PRKCH: variants seen among roughly 807,000 people sequenced by gnomAD.
The protein encoded by PRKCH is protein kinase C eta, also known as protein kinase C eta type.
PRKCH carries 28 observed loss-of-function variants against 82.5 expected under a neutral mutation model. The ratio of observed to expected loss-of-function variants is 0.34; its 90% CI spans 0.25 to 0.47. The LOEUF is 0.47. Among genes scored for constraint, PRKCH ranks in the 20% least tolerant of loss-of-function variants. PRKCH has a pLI of 1.00. For missense variants in PRKCH, 705 were observed against 881.8 expected, an observed-to-expected ratio of 0.80 and a Z score of 2.54; for synonymous variants, 322 against 327.4, an observed-to-expected ratio of 0.98 and a Z score of 0.18.
At chr14:61,508,811 T>C (rs1887259750) in intron 10 of PRKCH, among the ~76,000 whole-genome samples, 1 of 152,152 alleles carries the variant, frequency 6.6e-6, no homozygotes, top group South Asian at 2.1e-4. Flanking sequence ...AAATGGTCTT[T>C]TTTTGCTAAC....
At chr14:61,305,281 T>C in intron 1 of PRKCH, 1 of 152,232 alleles carries the variant, frequency 6.6e-6, no homozygotes, top group Non-Finnish European at 1.5e-5. Context: ...ACTTCAAGGC[T>C]TAAGTGATCC....
rs4902042 is a variant in PRKCH at position 61,266,688 on chromosome 14, A to G, written c.-19+79020A>G. ...GAAGGACCAGGAGAGGAATTGTCTC[A>G]CGAGAATATGTAACTAGAAATGGCT... On this transcript the variant is annotated intron_variant, in intron 1 of 3. Coordinates refer to the PRKCH transcript ENST00000555185. 7.3e-3 allele frequency among the ~76,000 whole-genome samples: 1,116 copies of G among 152,336 alleles called. 28 individuals carry two copies. The East Asian group carries it at 0.083, about 11-fold the overall frequency.
At chr14:61,322,798 T>C (rs113104429) in intron 1 of PRKCH, 4 of 270,602 alleles carry the variant, frequency 1.5e-5, no homozygotes, top group African/African-American at 8.6e-5. Flanking sequence ...GAGTGATAGG[T>C]AGGAAAGGCA....
intron 1 of PRKCH, chr14:61,279,275 TTTTTTAAAA>T (rs1482622578): frequency 1.3e-5 from 2 of 152,238 alleles, no homozygotes; most frequent in African/African-American, 4.8e-5. Context: ...CAGATAGTAA[TTTTTTAAAA>T]ATTCATTCCA....
chr14:61,198,428 G>C (rs1331842182), intron 1 of PRKCH, among the ~76,000 whole-genome samples: 1 of 152,112 alleles, frequency 6.6e-6, no homozygotes, highest in Non-Finnish European at 1.5e-5. Flanking sequence ...ACTCCTACTT[G>C]TCCTTCAAAA....
At chr14:61,381,868 A>G (rs916383667) in intron 1 of PRKCH, among the ~76,000 whole-genome samples, 2 of 152,190 alleles carry the variant, frequency 1.3e-5, no homozygotes, top group African/African-American at 4.8e-5. Context: ...AAAGCAACAG[A>G]TGGACCTCAG....
rs1208745204 is a variant in PRKCH at position 61,421,119 on chromosome 14, C to A, written c.428-21992C>A. 6.6e-5 allele frequency among the ~76,000 whole-genome samples: 10 copies of A among 151,140 alleles called. No homozygotes were observed. The Admixed American group carries it at 6.6e-4, about 10-fold the overall frequency. On this transcript the variant is annotated intron_variant, in intron 2 of 13. Coordinates refer to ENST00000332981, the MANE Select transcript of PRKCH (RefSeq NM_006255.5). ...TATCTAGTAGTGCCTTTATCAGTGA[C>A]CCCAGGTGTATAATTGGTTTGTTGT...
chr14:61,436,269 C>T (rs1325701147), intron 2 of PRKCH, among the ~76,000 whole-genome samples: 1 of 152,098 alleles, frequency 6.6e-6, no homozygotes, highest in Non-Finnish European at 1.5e-5. Flanking sequence ...TTATTTTCCT[C>T]TCCTTCTTTT....
intron 2 of PRKCH, among the ~76,000 whole-genome samples, chr14:61,391,739 C>T (rs2046685605): frequency 6.6e-6 from 1 of 152,186 alleles, no homozygotes; most frequent in Admixed American, 6.5e-5. Flanking sequence ...CTACCGTACT[C>T]CCTACTCCCC....
intron 2 of PRKCH, among the ~76,000 whole-genome samples, chr14:61,428,110 C>CATATATATATATATATAT (rs1435502380): frequency 1.3e-4 from 10 of 75,502 alleles, no homozygotes; most frequent in African/African-American, 5.3e-4. Context: ...TATATATACA[C>CATATATATATATATATAT]ACATATATAT....
intron 12 of PRKCH, chr14:61,545,360 C>G (rs2043241755): frequency 6.6e-6 from 1 of 152,166 alleles, no homozygotes; most frequent in African/African-American, 2.4e-5. Flanking sequence ...TGATCTAAGT[C>G]TCTTTTCATT....
At chr14:61,535,596 G>A (rs888548166) in intron 12 of PRKCH, among the ~76,000 whole-genome samples, 1 of 152,242 alleles carries the variant, frequency 6.6e-6, no homozygotes, top group African/African-American at 2.4e-5. Context: ...TGAGGAGGCT[G>A]AGGGAACAGT....
At position 61,462,476 on chromosome 14, in the gene PRKCH, C is replaced by T. The variant is rs892315836; in HGVS notation, c.1278+4797C>T. ...ATTTTAGTTTTGCTGTCGTTGTTGC[C>T]TTCTTTGAGGTTTGCAAGGTATCGG... On this transcript the variant is annotated intron_variant, in intron 9 of 13. Coordinates refer to ENST00000332981, the MANE Select transcript of PRKCH (RefSeq NM_006255.5). Among the ~76,000 whole-genome samples the T allele has an allele frequency of 6.6e-5, 10 of 152,190 alleles. 1 individual carries two copies. The highest frequency in any genetic ancestry group is 1.5e-4 in the Non-Finnish European group (10 of 68,032).
Position 61,375,655 on chromosome 14 carries a change from C to T in PRKCH, c.364-15570C>T, listed in dbSNP as rs957676069. ...CACACACTTTCAAACAACCAGATCT[C>T]GTGAGAACTCACTGACTATCATGAG... On this transcript the variant is annotated intron_variant, in intron 1 of 13. Coordinates refer to ENST00000332981, the MANE Select transcript of PRKCH (RefSeq NM_006255.5). 2.9e-4 allele frequency among the ~76,000 whole-genome samples: 44 copies of T among 151,870 alleles called. 1 individual carries two copies. Among genetic ancestry groups the T allele is most frequent in the African/African-American group, 1.0e-3 (42 of 41,204 alleles).
At chr14:61,409,186 A>G (rs1374359014) in intron 2 of PRKCH, among the ~76,000 whole-genome samples, 1 of 152,124 alleles carries the variant, frequency 6.6e-6, no homozygotes, top group African/African-American at 2.4e-5. Context: ...GTGGGCGTAG[A>G]CAGCCCTGTT....
At chr14:61,321,548 C>T (rs2045622407), upstream of PRKCH, among the ~76,000 whole-genome samples, 1 of 152,128 alleles carries the variant, frequency 6.6e-6, no homozygotes, top group Admixed American at 6.5e-5. This position sits in a 1 kb window ranked among gnomAD's most constrained non-coding sequence, Gnocchi z 4.1. Flanking sequence ...CCCTGGGGTC[C>T]GGAAGGCGCG....
At chr14:61,313,768 A>G (rs572994455) in intron 1 of PRKCH, among the ~76,000 whole-genome samples, 1 of 151,956 alleles carries the variant, frequency 6.6e-6, no homozygotes, top group South Asian at 2.1e-4. Context: ...TCCCCCTTAT[A>G]TAAACGTCAG....
intron 1 of PRKCH, among the ~76,000 whole-genome samples, chr14:61,250,327 C>A (rs1265187094): frequency 6.6e-6 from 1 of 151,966 alleles, no homozygotes; most frequent in East Asian, 1.9e-4. Flanking sequence ...ATTGCCAGAA[C>A]TTGGGACAAT....
intron 1 of PRKCH, among the ~76,000 whole-genome samples, chr14:61,308,347 T>C (rs937769462): frequency 6.6e-6 from 1 of 152,220 alleles, no homozygotes; most frequent in Non-Finnish European, 1.5e-5. Context: ...CTAACTAATG[T>C]TAACAAGCAC....
Sources: allele counts gnomAD v4.1 joint callset (sites outside exome capture counted in the v4.1 genomes callset), GRCh38; gene constraint gnomAD v4.1.1; non-coding constraint Gnocchi (gnomAD v3.1); transcripts MANE v1.5; gene names NCBI Gene and HGNC (gene_info 2026-07-23, HGNC 2026-07-21).